Variants in AOAH observed in about 807,000 individuals in gnomAD.
The protein encoded by AOAH is acyloxyacyl hydrolase.
AOAH carries 64 observed loss-of-function variants against 92.2 expected under a neutral mutation model. The ratio of observed to expected loss-of-function variants is 0.69; its 90% CI spans 0.57 to 0.86. The LOEUF (loss-of-function observed/expected upper bound fraction) is 0.86, where lower values mean the gene tolerates loss of function less well. Ranked by LOEUF, AOAH falls within the 40% of genes least tolerant of loss-of-function variation. The pLI, the probability that AOAH is intolerant of heterozygous loss-of-function variation, is 0.00. For synonymous variants in AOAH, 263 were observed against 254.5 expected (o/e 1.03, Z -0.32); for missense variants, 656 against 694.6 (o/e 0.94, Z 0.62).
chr7:36,595,763 T>C (rs1464969414), intron 11 of AOAH, among the ~76,000 whole-genome samples: 2 of 152,326 alleles, frequency 1.3e-5, no homozygotes, highest in South Asian at 4.1e-4. Flanking sequence ...AATATTCCCT[T>C]TTTGCCTTCG....
intron 20 of AOAH, among the ~76,000 whole-genome samples, chr7:36,517,116 G>A (rs922056949): frequency 9.2e-5 from 14 of 151,946 alleles, no homozygotes; most frequent in South Asian, 2.1e-4. Context: ...CGCTGCACAG[G>A]GCAGGGCACA....
chr7:36,532,794 T>C (rs914714945), intron 16 of AOAH, among the ~76,000 whole-genome samples: 1 of 152,202 alleles, frequency 6.6e-6, no homozygotes, highest in Non-Finnish European at 1.5e-5. Flanking sequence ...TCTAGGTTTA[T>C]GAAACGCTCA....
intron 12 of AOAH, among the ~76,000 whole-genome samples, chr7:36,578,739 TTTTTATTTCTG>T (rs1460336761): frequency 6.6e-6 from 1 of 152,258 alleles, no homozygotes; most frequent in East Asian, 1.9e-4. Flanking sequence ...CTTTCTAACT[TTTTTATTTCTG>T]TAGAGTTAAT....
Position 36,540,582 on chromosome 7 carries a change from A to C in AOAH, c.1134-91T>G, listed in dbSNP as rs533485301. On this transcript the variant is annotated intron_variant, in intron 15 of 20. Coordinates refer to ENST00000617537, the MANE Select transcript of AOAH (RefSeq NM_001637.4). ...CAAATACAAGATACATCACACACAC[A>C]TACGCACACACACACACACAGTGTG... The C allele has an allele frequency of 2.2e-5, 25 of 1,122,456 alleles. 1 individual carries two copies. In the South Asian group the frequency reaches 3.4e-4, roughly 15 times the overall value. The allele number at this position is 1,122,456 out of a possible 1,614,324, so 69.5% of individuals were successfully genotyped here. A position where few individuals can be genotyped will look rare whatever the true frequency, so the allele number is the denominator to read the frequency against.
chr7:36,606,925 A>G (rs1791049382), intron 11 of AOAH, among the ~76,000 whole-genome samples: 1 of 152,180 alleles, frequency 6.6e-6, no homozygotes, highest in South Asian at 2.1e-4. Flanking sequence ...TTTAAGAAGA[A>G]AGGGAGCAGA....
rs760327718 is a variant in AOAH at position 36,637,835 on chromosome 7, C to A, written c.450+16G>T. On this transcript the variant is annotated intron_variant, in intron 5 of 20. Coordinates refer to ENST00000617537, the MANE Select transcript of AOAH (RefSeq NM_001637.4). ...TGCCAAGGAAAAGGCTGGCGTTCTA[C>A]GTGCTTAGTGCTTACCAGAATCGGG... 1 of 1,612,890 alleles carries A rather than the reference C, an allele frequency of 6.2e-7. No homozygotes were observed. The highest frequency in any genetic ancestry group is 8.5e-7 in the Non-Finnish European group (1 of 1,178,936).
chr7:36,611,360 G>A (rs1030005356), intron 11 of AOAH, among the ~76,000 whole-genome samples: 15 of 152,194 alleles, frequency 9.9e-5, no homozygotes, highest in Non-Finnish European at 1.0e-4. Context: ...CATTCTCACA[G>A]GCATTTCTCA....
intron 12 of AOAH, 117 bp downstream of exon 12, chr7:36,594,222 T>C: frequency 3.8e-6 from 3 of 794,630 alleles, no homozygotes; most frequent in Non-Finnish European, 6.4e-6. Flanking sequence ...CTCAAATTCA[T>C]GTTCTAGAAG....
rs1317205285 is a variant in AOAH at position 36,588,007 on chromosome 7, C to T, written c.938+6332G>A. Among the ~76,000 whole-genome samples the T allele has an allele frequency of 3.3e-5, 5 of 152,182 alleles. No individual in the cohort carries two copies. In the East Asian group the frequency reaches 7.7e-4, roughly 23 times the overall value. On this transcript the variant is annotated intron_variant, in intron 12 of 20. Coordinates refer to ENST00000617537, the MANE Select transcript of AOAH (RefSeq NM_001637.4). ...ACACAAGTGCTTTTCCCTAAGACAG[C>T]CATCATCCTTTGTTAATTTATTATG... is the stretch of plus-strand genomic sequence containing the variant.
chr7:36,618,978 T>C (rs1792097319), intron 9 of AOAH, among the ~76,000 whole-genome samples: 1 of 152,180 alleles, frequency 6.6e-6, no homozygotes, highest in Non-Finnish European at 1.5e-5. Context: ...GGCCTGTGAA[T>C]GGGACTGAAT....
At chr7:36,552,881 A>G (rs567925524) in intron 13 of AOAH, among the ~76,000 whole-genome samples, 1 of 151,992 alleles carries the variant, frequency 6.6e-6, no homozygotes, top group South Asian at 2.1e-4. Flanking sequence ...AGCTGCCTCC[A>G]TGTTACTAGC....
chr7:36,516,844 C>T lies in AOAH; in HGVS notation c.1600-3464G>A, dbSNP rs1246651735. ...CAGGGTGAGGGCAAGAAGAGGGAAA[C>T]GAAAATGAAAGAGCTCAGATATGAG... On this transcript the variant is annotated intron_variant, in intron 20 of 20. Transcript: ENST00000617537. This position sits in a 1 kb window ranked among gnomAD's most constrained non-coding sequence, Gnocchi z 5.0. Among the ~76,000 whole-genome samples, 2 of 152,078 alleles carry T rather than the reference C, an allele frequency of 1.3e-5. No homozygotes were observed. Among genetic ancestry groups the T allele is most frequent in the African/African-American group, 2.4e-5 (1 of 41,386 alleles).
chr7:36,689,127 T>C (rs1797230754), intron 1 of AOAH, among the ~76,000 whole-genome samples: 7 of 152,074 alleles, frequency 4.6e-5, no homozygotes, highest in Admixed American at 4.6e-4. Context: ...AGCTCAGTCA[T>C]CTCACCCAAG....
At chr7:36,530,007 C>T (rs2115966199) in intron 19 of AOAH, among the ~76,000 whole-genome samples, 1 of 152,306 alleles carries the variant, frequency 6.6e-6, no homozygotes, top group Middle Eastern at 3.4e-3. Context: ...TGCACTGCTC[C>T]TGAGTCCCTG....
At chr7:36,673,652 G>T (rs916852086) in intron 3 of AOAH, among the ~76,000 whole-genome samples, 1 of 152,206 alleles carries the variant, frequency 6.6e-6, no homozygotes, top group Non-Finnish European at 1.5e-5. Context: ...CCAGCTAAGT[G>T]GGGAGAGAAG....
chr7:36,696,394 T>C (rs907194587), intron 1 of AOAH, among the ~76,000 whole-genome samples: 2 of 152,228 alleles, frequency 1.3e-5, no homozygotes, highest in Non-Finnish European at 2.9e-5. Context: ...TATTGAATCA[T>C]GACACATTTC....
At chr7:36,634,284 G>T (rs999632482) in intron 5 of AOAH, among the ~76,000 whole-genome samples, 1 of 152,074 alleles carries the variant, frequency 6.6e-6, no homozygotes, top group South Asian at 2.1e-4. Flanking sequence ...ACAGCTCGGC[G>T]CCACACCCTG....
intron 4 of AOAH, among the ~76,000 whole-genome samples, chr7:36,647,937 T>C (rs1794325488): frequency 1.3e-5 from 2 of 151,958 alleles, no homozygotes; most frequent in African/African-American, 4.8e-5. Context: ...TTCAAACTAT[T>C]CTCCTGTCTC....
At chr7:36,660,978 G>A (rs1795185776) in intron 3 of AOAH, 1 of 152,120 alleles carries the variant, frequency 6.6e-6, no homozygotes, top group Non-Finnish European at 1.5e-5. Context: ...CAAACCACAA[G>A]TCAAACCAAG....
Sources: gnomAD v4.1 joint callset for allele counts (sites outside exome capture counted in the v4.1 genomes callset) on GRCh38, gnomAD v4.1.1 for gene constraint, Gnocchi (gnomAD v3.1) non-coding constraint, MANE v1.5 for transcripts, NCBI Gene and HGNC (gene_info 2026-07-23, HGNC 2026-07-21) for gene names.